MGAT5: variants seen among roughly 807,000 people sequenced by gnomAD.
MGAT5 encodes the protein alpha-1,6-mannosylglycoprotein 6-beta-N-acetylglucosaminyltransferase A.
MGAT5 carries 30 observed loss-of-function variants against 94.3 expected under a neutral mutation model. The observed-to-expected ratio is 0.32, with a 90% CI of 0.24 to 0.43. The LOEUF (loss-of-function observed/expected upper bound fraction) is 0.43, where lower values mean the gene tolerates loss of function less well. Ranked by LOEUF, MGAT5 falls within the 20% of genes least tolerant of loss-of-function variation. The pLI is 1.00. For missense variants in MGAT5, 691 were observed against 905.5 expected, an observed-to-expected ratio of 0.76 and a Z score of 3.04; for synonymous variants, 310 against 322.9, an observed-to-expected ratio of 0.96 and a Z score of 0.43.
intron 10 of MGAT5, among the ~76,000 whole-genome samples, chr2:134,387,791 A>G (rs1180415608): frequency 6.6e-6 from 1 of 152,212 alleles, no homozygotes; most frequent in Non-Finnish European, 1.5e-5. Context: ...AAAGCTGCCC[A>G]TTTATAGCCA....
Position 134,280,499 on chromosome 2 carries a change from C to G in MGAT5, c.406+9949C>G, listed in dbSNP as rs551235470. 2.0e-5 allele frequency among the ~76,000 whole-genome samples: 3 copies of G among 152,328 alleles called. No individual in the cohort carries two copies. In the South Asian group the frequency reaches 6.2e-4, roughly 32 times the overall value. ...ATTGTCAGAGTTGGACAGCTGCACT[C>G]TTAGCTGGTTTTAAGCTGTCTTGAA... On this transcript the variant is annotated intron_variant, in intron 2 of 15. Coordinates refer to ENST00000281923, the MANE Select transcript of MGAT5 (RefSeq NM_002410.5).
At chr2:134,394,633 C>T (rs1281865244) in intron 10 of MGAT5, among the ~76,000 whole-genome samples, 1 of 152,006 alleles carries the variant, frequency 6.6e-6, no homozygotes, top group Non-Finnish European at 1.5e-5. Context: ...TTAATTTATT[C>T]TTTACTGATG....
At chr2:134,132,358 G>A (rs1686216757) in intron 1 of MGAT5, among the ~76,000 whole-genome samples, 1 of 152,202 alleles carries the variant, frequency 6.6e-6, no homozygotes, top group Non-Finnish European at 1.5e-5. Flanking sequence ...CCACCCTGGA[G>A]TAAGAAATAC....
At chr2:134,317,387 G>T in intron 2 of MGAT5, 142 bp from the exon 3 acceptor site, 1 of 498,978 alleles carries the variant, frequency 2.0e-6, no homozygotes, top group Non-Finnish European at 3.5e-6. Flanking sequence ...ATTGGAGCTG[G>T]AGGGGCTCCA....
Position 134,419,442 on chromosome 2 carries a change from T to TTGTGTGTGTGTGTGTGTG in MGAT5, c.1678-3331_1678-3314dup, listed in dbSNP as rs56181696. ...ATTAGAAATACTCTGGCTTCAGGGT[T>TTGTGTGTGTGTGTGTGTG]TGTGTGTGTGTGTGTGTGTGTGTGT... On this transcript the variant is annotated intron_variant, in intron 12 of 15. Coordinates refer to ENST00000281923, the MANE Select transcript of MGAT5 (RefSeq NM_002410.5). Among the ~76,000 whole-genome samples, 87 of 134,222 alleles carry TTGTGTGTGTGTGTGTGTG rather than the reference T, an allele frequency of 6.5e-4. 1 individual carries two copies. The highest frequency in any genetic ancestry group is 5.3e-3 in the East Asian group (24 of 4,522). 88.1% of individuals were successfully genotyped at this position (134,222 alleles called of 152,430 possible).
chr2:134,294,943 T>A (rs571122306), intron 2 of MGAT5, among the ~76,000 whole-genome samples: 2 of 152,308 alleles, frequency 1.3e-5, no homozygotes, highest in South Asian at 4.1e-4. Flanking sequence ...TTCCAGCCAA[T>A]GGAAACTGGA....
At position 134,175,683 on chromosome 2, in the gene MGAT5, C is replaced by A. The variant is rs149597558; in HGVS notation, c.-143+55392C>A. ...GGCGGAGCTGATGCTGTCTCCACAT[C>A]CTGTTCCCTTCCCATAATACTTCAT... On this transcript the variant is annotated intron_variant, in intron 1 of 16. Coordinates refer to the MGAT5 transcript ENST00000409645. 1.8e-3 allele frequency among the ~76,000 whole-genome samples: 272 copies of A among 152,330 alleles called. 1 individual carries two copies. The highest frequency in any genetic ancestry group is 5.8e-3 in the African/African-American group (242 of 41,576).
chr2:134,353,730 A>G lies in MGAT5; in HGVS notation c.1246+3792A>G, dbSNP rs1436892271. Among the ~76,000 whole-genome samples, 3 of 152,212 alleles carry G rather than the reference A, an allele frequency of 2.0e-5. No homozygotes were observed. The East Asian group carries it at 5.8e-4, about 29-fold the overall frequency. The stretch of plus-strand genomic sequence containing the variant: ...GATGAGACAGCAGAGCAAAACAGTC[A>G]TCATCAGTGGTCGCTAAATCCATCA... On this transcript the variant is annotated intron_variant, in intron 9 of 15. Coordinates refer to ENST00000281923, the MANE Select transcript of MGAT5 (RefSeq NM_002410.5).
intron 1 of MGAT5, among the ~76,000 whole-genome samples, chr2:134,180,386 C>T (rs1688676908): frequency 6.6e-6 from 1 of 152,210 alleles, no homozygotes; most frequent in South Asian, 2.1e-4. Context: ...ATTTTTAATA[C>T]TCAAATTCCT....
At chr2:134,181,155 G>A (rs1368372317) in intron 1 of MGAT5, among the ~76,000 whole-genome samples, 3 of 152,054 alleles carry the variant, frequency 2.0e-5, no homozygotes, top group Admixed American at 2.0e-4. Context: ...TCTCAACCAG[G>A]GACAATTTTG....
chr2:134,413,482 C>T (rs1683786499), intron 12 of MGAT5, among the ~76,000 whole-genome samples: 1 of 152,126 alleles, frequency 6.6e-6, no homozygotes, highest in Admixed American at 6.5e-5. Context: ...TTTCACCCAC[C>T]ATCCCAAGAA....
chr2:134,233,837 C>G (rs1681493312), intron 1 of MGAT5, among the ~76,000 whole-genome samples: 4 of 152,232 alleles, frequency 2.6e-5, no homozygotes. Context: ...AGATTTTAAT[C>G]TGAATCTAAT....
chr2:134,423,018 C>T, intron 13 of MGAT5, 99 bp downstream of exon 13: 1 of 828,024 alleles, frequency 1.2e-6, no homozygotes, highest in Non-Finnish European at 2.0e-6. Flanking sequence ...AGATCTTTAC[C>T]ACATCAGCTT....
intron 4 of MGAT5, among the ~76,000 whole-genome samples, chr2:134,324,510 T>C (rs1309594336): frequency 6.6e-6 from 1 of 152,164 alleles, no homozygotes; most frequent in Non-Finnish European, 1.5e-5. Flanking sequence ...CTTAATCCCT[T>C]GATTAATGCT....
chr2:134,152,441 C>T (rs1687265791), intron 1 of MGAT5, among the ~76,000 whole-genome samples: 1 of 150,568 alleles, frequency 6.6e-6, no homozygotes, highest in Non-Finnish European at 1.5e-5. Flanking sequence ...TCACTCACGC[C>T]CTATGGGACC....
At chr2:134,142,741 G>A (rs1686715645) in intron 1 of MGAT5, among the ~76,000 whole-genome samples, 1 of 152,214 alleles carries the variant, frequency 6.6e-6, no homozygotes, top group Non-Finnish European at 1.5e-5. Context: ...AAATGTCAGG[G>A]AAGTGTTTGT....
At chr2:134,417,179 T>C (rs1684026665) in intron 12 of MGAT5, among the ~76,000 whole-genome samples, 2 of 152,118 alleles carry the variant, frequency 1.3e-5, no homozygotes, top group African/African-American at 4.8e-5. Flanking sequence ...ACTTTTTACT[T>C]TGAAATAATT....
At chr2:134,240,359 T>G (rs1408140294) in intron 1 of MGAT5, among the ~76,000 whole-genome samples, 1 of 17,972 alleles carries the variant, frequency 5.6e-5, no homozygotes, top group African/African-American at 7.7e-5. Flanking sequence ...ATGAAAGTGT[T>G]TTTTTTTTTT....
At chr2:134,196,854 CTAGTT>C in intron 1 of MGAT5, among the ~76,000 whole-genome samples, 1 of 152,322 alleles carries the variant, frequency 6.6e-6, no homozygotes, top group South Asian at 2.1e-4. Context: ...TTGGCTGCCC[CTAGTT>C]TAAAGGCTAT....
Sources: gnomAD v4.1 joint callset for allele counts (sites outside exome capture counted in the v4.1 genomes callset) on GRCh38, gnomAD v4.1.1 for gene constraint, MANE v1.5 for transcripts, NCBI Gene and HGNC (gene_info 2026-07-23, HGNC 2026-07-21) for gene names.